Variants in TRPV1 observed in about 807,000 individuals in gnomAD.
TRPV1 encodes transient receptor potential cation channel subfamily V member 1, also known as OTRPC1.
In TRPV1, 82 loss-of-function variants were observed where a neutral mutation model predicts 82.3. That is an observed-to-expected ratio of 1.00 (90% CI 0.83 to 1.20). The LOEUF is 1.20. Ranked by LOEUF, TRPV1 falls within the 50% of genes most tolerant of loss-of-function variation. TRPV1 has a pLI of 0.00. For missense variants in TRPV1, 1,067 were observed against 1,096.8 expected, an observed-to-expected ratio of 0.97 and a Z score of 0.38; for synonymous variants, 515 against 467.7, an observed-to-expected ratio of 1.10 and a Z score of -1.30.
intron 9 of TRPV1, 42 bp downstream of exon 9, chr17:3,585,726 C>T: frequency 6.3e-7 from 1 of 1,592,190 alleles, no homozygotes; most frequent in South Asian, 1.1e-5. Flanking sequence ...CCTTCCCCAC[C>T]ACCCACACCC....
At chr17:3,577,981 A>C (rs1163433179) in intron 11 of TRPV1, 18 of 521,012 alleles carry the variant, frequency 3.5e-5, no homozygotes, top group Non-Finnish European at 4.8e-5. Flanking sequence ...GCAAAATCTC[A>C]CTCTTTATGT....
At chr17:3,593,828 TGAA>T (rs2150852187) in intron 2 of TRPV1, among the ~76,000 whole-genome samples, 1 of 152,234 alleles carries the variant, frequency 6.6e-6, no homozygotes, top group East Asian at 1.9e-4. Context: ...CATCTCCTTA[TGAA>T]GAAGCTGTAC....
intron 2 of TRPV1, among the ~76,000 whole-genome samples, chr17:3,607,320 G>T (rs2075302481): frequency 6.6e-6 from 1 of 150,960 alleles, no homozygotes; most frequent in Non-Finnish European, 1.5e-5. Flanking sequence ...CTCCAGCCTG[G>T]GCGACAGAGG....
At chr17:3,570,309 G>A (rs1227142678) in intron 16 of TRPV1, among the ~76,000 whole-genome samples, 1 of 151,438 alleles carries the variant, frequency 6.6e-6, no homozygotes, top group Non-Finnish European at 1.5e-5. Context: ...GGCGGAGGGT[G>A]CAGTAAACCC....
intron 16 of TRPV1, 99 bp from the exon 17 acceptor site, chr17:3,567,086 G>A (rs928810293): frequency 6.5e-6 from 9 of 1,377,252 alleles, no homozygotes; most frequent in South Asian, 5.5e-5. Flanking sequence ...AGACAGGCAC[G>A]ATGGCTCATG....
At chr17:3,584,042 G>A (rs951659223) in intron 9 of TRPV1, among the ~76,000 whole-genome samples, 2 of 151,452 alleles carry the variant, frequency 1.3e-5, no homozygotes, top group Non-Finnish European at 2.9e-5. Context: ...AGGCCGAGGC[G>A]GGCGGATCAC....
At chr17:3,591,577 A>G (rs940506227) in intron 3 of TRPV1, among the ~76,000 whole-genome samples, 2 of 152,148 alleles carry the variant, frequency 1.3e-5, no homozygotes, top group African/African-American at 4.8e-5. Flanking sequence ...TATAGACACC[A>G]TCTAGAAAGT....
chr17:3,605,235 A>G (rs150845), intron 2 of TRPV1, among the ~76,000 whole-genome samples: 116,744 of 152,050 alleles, frequency 0.77, 45,238 homozygotes, highest in African/African-American at 0.86. Context: ...GAGGCCTGGC[A>G]TGGTGCCTCA....
Position 3,592,121 on chromosome 17 carries a change from G to A in TRPV1, c.230C>T (p.Thr77Ile), listed in dbSNP as rs201828662. The change falls in exon 3 of 17, where the codon ACA (threonine) becomes ATA (isoleucine). Residue 77 changes from threonine (T) to isoleucine (I), a missense_variant. Coordinates refer to ENST00000572705, the MANE Select transcript of TRPV1 (RefSeq NM_080704.4). ...CTGGATGGTGATAACAGGGCTGACT[G>A]TGATGGTCGGGCAGGAGTCCAGCTC... ...EGELDSCPTI[T>I]VSPVITIQRP... 2.4e-5 allele frequency: 39 copies of A among 1,613,802 alleles called. No individual in the cohort carries two copies. Among genetic ancestry groups the A allele is most frequent in the Non-Finnish European group, 3.1e-5 (37 of 1,179,890 alleles).
intron 2 of TRPV1, among the ~76,000 whole-genome samples, chr17:3,593,148 C>T (rs2075183616): frequency 7.5e-6 from 1 of 132,986 alleles, no homozygotes; most frequent in Non-Finnish European, 1.5e-5. Flanking sequence ...CTGTGTGTCT[C>T]ACTCTGTCGC....
chr17:3,572,630 T>C (rs2074869699), intron 14 of TRPV1, among the ~76,000 whole-genome samples: 2 of 151,962 alleles, frequency 1.3e-5, no homozygotes, highest in Admixed American at 6.6e-5. Context: ...TTACCAGCCA[T>C]GTGGCCTTGA....
intron 8 of TRPV1, 32 bp downstream of exon 8, chr17:3,588,156 A>T: frequency 6.5e-7 from 1 of 1,541,776 alleles, no homozygotes; most frequent in Non-Finnish European, 8.8e-7. Flanking sequence ...AGAGGCCCTG[A>T]GGCCCTCCCT....
At chr17:3,591,659 C>G (rs1041473790) in intron 3 of TRPV1, among the ~76,000 whole-genome samples, 1 of 152,088 alleles carries the variant, frequency 6.6e-6, no homozygotes, top group Non-Finnish European at 1.5e-5. Flanking sequence ...CTGGTGGGGA[C>G]GGAGGGAGGT....
chr17:3,573,223 C>T (rs1240212457), intron 14 of TRPV1, among the ~76,000 whole-genome samples: 2 of 152,136 alleles, frequency 1.3e-5, no homozygotes, highest in Admixed American at 1.3e-4. Flanking sequence ...TGAGTCTGGC[C>T]TCTGGTGCCC....
chr17:3,576,668 A>ATATATAT (rs1555549457), intron 13 of TRPV1, among the ~76,000 whole-genome samples: 8 of 38,426 alleles, frequency 2.1e-4, no homozygotes, highest in Non-Finnish European at 4.2e-4. Context: ...AAAAAAAAAA[A>ATATATAT]ATATATATAT....
Position 3,571,546 on chromosome 17 carries a change from G to A in TRPV1, c.2325C>T (p.Ser775=). ...CACCTCTGCTTGACCGCAGGGAGAA[G>A]CTCAGGGTGCGCTTGACGCCCTCAC... ...GNCEGVKRTL[S]FSLRSSRVSG... is the part of the protein sequence containing the mutation. Residue 775 remains serine, a synonymous_variant, in exon 16 of 17, where the codon AGC becomes AGT. Coordinates refer to ENST00000572705, the MANE Select transcript of TRPV1 (RefSeq NM_080704.4). The A allele has an allele frequency of 1.2e-6, 2 of 1,608,690 alleles. No individual in the cohort carries two copies. The highest frequency in any genetic ancestry group is 1.7e-6 in the Non-Finnish European group (2 of 1,177,680).
At chr17:3,590,826 AG>A in intron 5 of TRPV1, 137 bp downstream of exon 5, 1 of 1,229,678 alleles carries the variant, frequency 8.1e-7, no homozygotes, top group East Asian at 2.6e-5. Context: ...GGGACCCCCT[AG>A]GATTAGGAGC....
chr17:3,580,793 G>C (rs1167855337), intron 10 of TRPV1, among the ~76,000 whole-genome samples: 1 of 152,192 alleles, frequency 6.6e-6, no homozygotes, highest in East Asian at 1.9e-4. Flanking sequence ...AAGGCGGGTG[G>C]ATCACCTGAG....
intron 10 of TRPV1, among the ~76,000 whole-genome samples, chr17:3,580,806 T>C (rs161366): frequency 0.4 from 60,848 of 152,014 alleles, 14,945 homozygotes; most frequent in East Asian, 0.79. Context: ...CACCTGAGGT[T>C]AGGAGTTCGA....
Sources: allele counts gnomAD v4.1 joint callset (sites outside exome capture counted in the v4.1 genomes callset), GRCh38; gene constraint gnomAD v4.1.1; transcripts MANE v1.5; gene names NCBI Gene and HGNC (gene_info 2026-07-23, HGNC 2026-07-21).